The following ARHGEF33 variants were observed in gnomAD, a reference collection of about 807,000 sequenced individuals.
The protein encoded by ARHGEF33 is DH and coiled-coil domain-containing protein ENSP00000381780.
Under a neutral mutation model 101.9 loss-of-function variants are expected in ARHGEF33, and 72 were observed. That is an observed-to-expected ratio of 0.71 (90% confidence interval 0.58 to 0.86). ARHGEF33 has a LOEUF of 0.86. Among genes scored for constraint, ARHGEF33 ranks in the 40% least tolerant of loss-of-function variants. ARHGEF33 has a pLI of 0.00. For missense variants in ARHGEF33, 1,169 were observed against 1,111.3 expected, an observed-to-expected ratio of 1.05 and a Z score of -0.74; for synonymous variants, 499 against 442.5, an observed-to-expected ratio of 1.13 and a Z score of -1.60.
At chr2:38,927,491 A>C (rs1244961228) in intron 4 of ARHGEF33, among the ~76,000 whole-genome samples, 2 of 152,158 alleles carry the variant, frequency 1.3e-5, no homozygotes, top group Non-Finnish European at 2.9e-5. Context: ...AGTTCAGGAG[A>C]TCAAGACCAG....
chr2:38,951,257 T>C, intron 11 of ARHGEF33, 136 bp downstream of exon 11: 1 of 829,646 alleles, frequency 1.2e-6, no homozygotes, highest in Non-Finnish European at 1.8e-6. Flanking sequence ...ACTTTCTCAT[T>C]CTACATACAG....
chr2:38,955,591 C>A (rs1667720442), intron 13 of ARHGEF33, among the ~76,000 whole-genome samples: 1 of 149,578 alleles, frequency 6.7e-6, no homozygotes, highest in Non-Finnish European at 1.5e-5. Flanking sequence ...CATCAACCTC[C>A]CAGGCTCAAG....
At chr2:38,944,166 T>A in intron 10 of ARHGEF33, 136 bp downstream of exon 10, 3 of 869,836 alleles carry the variant, frequency 3.4e-6, no homozygotes. Context: ...GAGGCAGTGA[T>A]GGCAGATGTC....
At chr2:38,935,703 C>A in intron 7 of ARHGEF33, 72 bp from the exon 8 acceptor site, 1 of 1,271,764 alleles carries the variant, frequency 7.9e-7, no homozygotes, top group Non-Finnish European at 1.1e-6. Context: ...GCCCCCAGTG[C>A]CAGGCTCGTG....
At chr2:38,906,757 A>C (rs1666400495) in intron 2 of ARHGEF33, among the ~76,000 whole-genome samples, 1 of 149,886 alleles carries the variant, frequency 6.7e-6, no homozygotes, top group Non-Finnish European at 1.5e-5. Flanking sequence ...TCGCTCGAGC[A>C]CAGGAGCTTG....
chr2:38,890,889 A>G (rs958539398), intron 1 of ARHGEF33, among the ~76,000 whole-genome samples: 1 of 152,124 alleles, frequency 6.6e-6, no homozygotes, highest in Admixed American at 6.5e-5. Flanking sequence ...TACATTTTTC[A>G]TAACCATGGG....
chr2:38,942,288 C>A (rs993610017), intron 9 of ARHGEF33, among the ~76,000 whole-genome samples: 1 of 151,408 alleles, frequency 6.6e-6, no homozygotes, highest in Admixed American at 6.6e-5. Context: ...CTGCCTCAGC[C>A]CCCTGAGTAG....
chr2:38,897,844 C>T (rs776069520), intron 2 of ARHGEF33, among the ~76,000 whole-genome samples: 5 of 152,146 alleles, frequency 3.3e-5, no homozygotes, highest in Non-Finnish European at 7.4e-5. Flanking sequence ...GACAGCTAGC[C>T]TGGTGCAGGG....
At chr2:38,910,116 T>A (rs1303743555) in intron 2 of ARHGEF33, among the ~76,000 whole-genome samples, 1 of 152,188 alleles carries the variant, frequency 6.6e-6, no homozygotes, top group Non-Finnish European at 1.5e-5. Context: ...CTTCCTGTGA[T>A]ATTATGCTGA....
At chr2:38,932,093 C>T (rs543334791) in intron 7 of ARHGEF33, among the ~76,000 whole-genome samples, 2 of 152,260 alleles carry the variant, frequency 1.3e-5, no homozygotes, top group South Asian at 4.2e-4. Flanking sequence ...TGGCATACTT[C>T]AAAGTACAGA....
intron 17 of ARHGEF33, among the ~76,000 whole-genome samples, chr2:38,972,706 G>A (rs1668192480): frequency 6.6e-6 from 1 of 152,182 alleles, no homozygotes; most frequent in Non-Finnish European, 1.5e-5. Flanking sequence ...AATAACAAGA[G>A]TGAGGACTCA....
At chr2:38,962,236 A>G (rs919295866) in intron 16 of ARHGEF33, among the ~76,000 whole-genome samples, 2 of 152,212 alleles carry the variant, frequency 1.3e-5, no homozygotes, top group Non-Finnish European at 2.9e-5. Context: ...AAGGGGAAGT[A>G]AATGGAAATT....
At chr2:38,898,827 A>G (rs1439623118) in intron 2 of ARHGEF33, among the ~76,000 whole-genome samples, 1 of 152,238 alleles carries the variant, frequency 6.6e-6, no homozygotes, top group African/African-American at 2.4e-5. Flanking sequence ...TAAACTGTGC[A>G]TGTATTGCAT....
At position 38,954,457 on chromosome 2, in the gene ARHGEF33, G is replaced by A; in HGVS notation, c.1221+1G>A. The stretch of plus-strand genomic sequence containing the variant: ...CCCTGAATATCTGATACATCTGCAG[G>A]TAGGCATGGGTGGGAAAGCCACCAA... On this transcript the variant is annotated splice_donor_variant, in intron 13 of 17. Transcript: ENST00000409978. LOFTEE classifies it high-confidence loss of function. 6.5e-7 allele frequency: 1 copy of A among 1,545,504 alleles called. No homozygotes were observed. Among genetic ancestry groups the A allele is most frequent in the Non-Finnish European group, 8.8e-7 (1 of 1,141,510 alleles).
intron 13 of ARHGEF33, among the ~76,000 whole-genome samples, chr2:38,955,641 AG>A (rs1434896753): frequency 6.6e-6 from 1 of 151,630 alleles, no homozygotes. Context: ...TTGAGACTAC[AG>A]GCACTTGCCA....
At chr2:38,918,015 A>G (rs1193883603) in intron 2 of ARHGEF33, among the ~76,000 whole-genome samples, 2 of 152,172 alleles carry the variant, frequency 1.3e-5, no homozygotes, top group Non-Finnish European at 2.9e-5. Context: ...TGTTTCAATC[A>G]GGTTTCTTAG....
At chr2:38,913,636 C>T (rs747292605) in intron 2 of ARHGEF33, among the ~76,000 whole-genome samples, 1 of 151,800 alleles carries the variant, frequency 6.6e-6, no homozygotes, top group Non-Finnish European at 1.5e-5. Flanking sequence ...ATTAGCTGGG[C>T]GTGGTGGCGC....
chr2:38,971,058 C>T (rs1331479192), intron 17 of ARHGEF33, among the ~76,000 whole-genome samples: 4 of 152,192 alleles, frequency 2.6e-5, no homozygotes, highest in Non-Finnish European at 5.9e-5. Context: ...TGGGTGTTTC[C>T]TTGCCCCTTT....
At position 38,973,946 on chromosome 2, in the gene ARHGEF33, ATATC is replaced by A. The variant is rs1668221952; in HGVS notation, c.*104_*107del. 1.4e-6 allele frequency: 1 copy of A among 711,010 alleles called. No homozygotes were observed. The highest frequency in any genetic ancestry group is 1.8e-6 in the Non-Finnish European group (1 of 547,532). The allele number at this position is 711,010 out of a possible 1,614,324, so 44.0% of individuals were successfully genotyped here. A position where few individuals can be genotyped will look rare whatever the true frequency, so the allele number is the denominator to read the frequency against. ...TATATCTATATCTATATATATATAT[ATATC>A]GATGTATAAATCCCTGAGGAAAACT... is the stretch of plus-strand genomic sequence containing the variant. On this transcript the variant is annotated 3_prime_UTR_variant, in exon 18 of 18. Transcript: ENST00000409978.
Sources: gnomAD v4.1 joint callset for allele counts (sites outside exome capture counted in the v4.1 genomes callset) on GRCh38, gnomAD v4.1.1 for gene constraint, MANE v1.5 for transcripts, NCBI Gene and HGNC (gene_info 2026-07-23, HGNC 2026-07-21) for gene names.